FH: variants seen among roughly 807,000 people sequenced by gnomAD.
FH encodes the protein fumarate hydratase, also known as fumarate hydratase, mitochondrial.
Under a neutral mutation model 49.4 loss-of-function variants are expected in FH, and 22 were observed. That is an observed-to-expected ratio of 0.45 (90% CI 0.32 to 0.64). The LOEUF (loss-of-function observed/expected upper bound fraction) is 0.64. FH is among the 30% of genes least tolerant of loss of function. The pLI is 0.05. For missense variants in FH, 526 were observed against 641.5 expected, an observed-to-expected ratio of 0.82 and a Z score of 1.95; for synonymous variants, 208 against 223.0, an observed-to-expected ratio of 0.93 and a Z score of 0.60.
At chr1:241,499,360 G>A (rs1482290325) in intron 9 of FH, among the ~76,000 whole-genome samples, 1 of 152,118 alleles carries the variant, frequency 6.6e-6, no homozygotes, top group Non-Finnish European at 1.5e-5. Flanking sequence ...TAAAGTTTTG[G>A]TAACACATTC....
chr1:241,499,549 C>T (rs530899951), intron 9 of FH, among the ~76,000 whole-genome samples: 2 of 152,238 alleles, frequency 1.3e-5, no homozygotes, highest in South Asian at 2.1e-4. Flanking sequence ...GTCAAATGAG[C>T]TCTAATTTTA....
chr1:241,508,866 T>TA, intron 4 of FH, 81 bp from the exon 5 acceptor site: 1 of 1,237,666 alleles, frequency 8.1e-7, no homozygotes, highest in Non-Finnish European at 1.1e-6. Flanking sequence ...ACTTCTCAAT[T>TA]AAAAAACTCT....
chr1:241,498,781 C>T (rs1270742830), intron 9 of FH, among the ~76,000 whole-genome samples: 14 of 112,058 alleles, frequency 1.2e-4, no homozygotes, highest in Non-Finnish European at 1.8e-5. Flanking sequence ...GAAACCAATG[C>T]GGGAGAAAAA....
intron 8 of FH, among the ~76,000 whole-genome samples, chr1:241,501,165 C>G (rs1340907430): frequency 2.0e-5 from 3 of 152,072 alleles, no homozygotes; most frequent in African/African-American, 7.2e-5. Flanking sequence ...AGTATAAAAT[C>G]AATTAGTTTG....
chr1:241,507,206 C>T (rs962971675), intron 5 of FH, among the ~76,000 whole-genome samples: 1 of 152,108 alleles, frequency 6.6e-6, no homozygotes, highest in Non-Finnish European at 1.5e-5. Flanking sequence ...CAAATACTTA[C>T]CATTGTGTTA....
intron 3 of FH, among the ~76,000 whole-genome samples, chr1:241,512,485 T>C (rs942468972): frequency 2.6e-5 from 4 of 152,226 alleles, no homozygotes; most frequent in South Asian, 2.1e-4. Context: ...AGAGTCAGCA[T>C]GCTAATGAGC....
chr1:241,514,072 C>G (rs2147923349), intron 2 of FH, among the ~76,000 whole-genome samples: 1 of 152,098 alleles, frequency 6.6e-6, no homozygotes, highest in Non-Finnish European at 1.5e-5. Context: ...TAAATAAAAA[C>G]AAATTTAGTA....
intron 3 of FH, 97 bp from the exon 4 acceptor site, chr1:241,512,240 T>G: frequency 9.7e-7 from 1 of 1,028,306 alleles, no homozygotes; most frequent in Non-Finnish European, 1.5e-6. Flanking sequence ...TATCTAAGCT[T>G]CTGAAGCATC....
At chr1:241,501,420 T>C in intron 8 of FH, among the ~76,000 whole-genome samples, 1 of 152,182 alleles carries the variant, frequency 6.6e-6, no homozygotes, top group East Asian at 1.9e-4. Context: ...CTATAAATGC[T>C]GGGTATCTCG....
chr1:241,517,628 A>G (rs1300578309), intron 1 of FH, among the ~76,000 whole-genome samples: 1 of 152,122 alleles, frequency 6.6e-6, no homozygotes, highest in Non-Finnish European at 1.5e-5. Flanking sequence ...ACTGGTCAAG[A>G]TTTGGCCAAT....
chr1:241,511,284 C>T (rs1205842079), intron 4 of FH, among the ~76,000 whole-genome samples: 2 of 152,178 alleles, frequency 1.3e-5, no homozygotes, highest in Non-Finnish European at 2.9e-5. Flanking sequence ...AAAGTGGGCC[C>T]CCACCAAGCC....
intron 2 of FH, among the ~76,000 whole-genome samples, chr1:241,514,259 A>G (rs1448717357): frequency 6.6e-6 from 1 of 152,206 alleles, no homozygotes; most frequent in African/African-American, 2.4e-5. Context: ...GCCAAAAAGC[A>G]ATCTATTCTA....
At chr1:241,515,869 G>A (rs914149618) in intron 2 of FH, among the ~76,000 whole-genome samples, 21 of 152,218 alleles carry the variant, frequency 1.4e-4, no homozygotes, top group Middle Eastern at 6.8e-3. Context: ...TCTTAGTGGT[G>A]CCTATTGGTG....
chr1:241,501,933 A>G (rs1425407159), intron 8 of FH, among the ~76,000 whole-genome samples: 1 of 152,262 alleles, frequency 6.6e-6, no homozygotes, highest in Non-Finnish European at 1.5e-5. Flanking sequence ...GGGCAGAAGA[A>G]GAACTGGTGA....
chr1:241,518,074 C>T (rs1443673234), intron 1 of FH, among the ~76,000 whole-genome samples: 1 of 152,152 alleles, frequency 6.6e-6, no homozygotes, highest in African/African-American at 2.4e-5. Context: ...TAAACAGTAT[C>T]TTTCTATTGA....
intron 2 of FH, among the ~76,000 whole-genome samples, chr1:241,516,638 C>T (rs1156858779): frequency 1.3e-5 from 2 of 148,436 alleles, no homozygotes; most frequent in African/African-American, 2.5e-5. Flanking sequence ...ATGTGTATCC[C>T]GGAACTTAAA....
At chr1:241,499,016 T>A (rs1659699567) in intron 9 of FH, among the ~76,000 whole-genome samples, 1 of 152,028 alleles carries the variant, frequency 6.6e-6, no homozygotes, top group South Asian at 2.1e-4. Flanking sequence ...GAAAAGGGCA[T>A]CTTTCTTAAA....
rs199829765 is a variant in FH at position 241,506,123 on chromosome 1, T to C, written c.784A>G (p.Ile262Val). Residue 262 changes from isoleucine to valine, a missense_variant, in exon 6 of 10, where the codon ATA (isoleucine) becomes GTA (valine). Physicochemically the swap from Ile to Val is conservative, Grantham distance 29. Transcript: ENST00000366560. ...VQQVKYAMTR[I>V]KAAMPRIYEL... ...TAGATTCTTGGCATGGCAGCTTTTATTCTTGTCATTGCATATTTTACTTGT... is the reference window on the plus strand; with the variant it reads ...TAGATTCTTGGCATGGCAGCTTTTACTCTTGTCATTGCATATTTTACTTGT... 2 of 1,613,856 alleles carry C rather than the reference T, an allele frequency of 1.2e-6. No homozygotes were observed. The highest frequency in any genetic ancestry group is 2.2e-5 in the East Asian group (1 of 44,870).
Position 241,510,511 on chromosome 1 carries a change from T to C in FH, c.555+1456A>G, listed in dbSNP as rs1219943058. ...CCAAATAACTGAATAAATAAATAAA[T>C]GGGACAGAGAGAACAAATCTTCCTT... On this transcript the variant is annotated intron_variant, in intron 4 of 9. Transcript: ENST00000366560. Among the ~76,000 whole-genome samples, 10 of 152,002 alleles carry C rather than the reference T, an allele frequency of 6.6e-5. No individual in the cohort carries two copies. The East Asian group carries it at 1.7e-3, about 26-fold the overall frequency.
Sources: gnomAD v4.1 joint callset for allele counts (sites outside exome capture counted in the v4.1 genomes callset) on GRCh38, gnomAD v4.1.1 for gene constraint, MANE v1.5 for transcripts, NCBI Gene and HGNC (gene_info 2026-07-23, HGNC 2026-07-21) for gene names.